Variants in SP1 observed in about 807,000 individuals in gnomAD.
SP1 encodes transcription factor Sp1.
SP1 carries 6 observed loss-of-function variants against 66.3 expected under a neutral mutation model. That is an observed-to-expected ratio of 0.09 (90% CI 0.05 to 0.18). The LOEUF (loss-of-function observed/expected upper bound fraction) is 0.18. Among genes scored for constraint, SP1 ranks in the 10% least tolerant of loss-of-function variants. The pLI, the probability that SP1 is intolerant of heterozygous loss-of-function variation, is 1.00. For synonymous variants in SP1, 417 were observed against 360.8 expected (o/e 1.16, Z -1.77); for missense variants, 848 against 964.5 (o/e 0.88, Z 1.60).
At chr12:53,406,008 AC>A (rs1227421281) in intron 3 of SP1, among the ~76,000 whole-genome samples, 1 of 150,248 alleles carries the variant, frequency 6.7e-6, no homozygotes, top group Admixed American at 6.7e-5. Context: ...ATAAAAAAAA[AC>A]AACTATGAGA....
intron 3 of SP1, among the ~76,000 whole-genome samples, chr12:53,387,268 CA>C (rs1938250545): frequency 6.6e-6 from 1 of 152,064 alleles, no homozygotes. Flanking sequence ...GTTCTTTTGG[CA>C]TATATATGTG....
At chr12:53,393,961 C>T (rs1938411850) in intron 3 of SP1, among the ~76,000 whole-genome samples, 1 of 151,642 alleles carries the variant, frequency 6.6e-6, no homozygotes, top group Admixed American at 6.6e-5. Flanking sequence ...ACGCCTGTAA[C>T]CCAAGCACTT....
At chr12:53,386,940 G>T (rs7298225) in intron 3 of SP1, among the ~76,000 whole-genome samples, 25,637 of 123,004 alleles carry the variant, frequency 0.21, 2,445 homozygotes, top group East Asian at 0.23. Flanking sequence ...TTCTAGGTTT[G>T]TTTTTTTTTT....
chr12:53,411,237 C>T lies in SP1; in HGVS notation c.2355C>T (p.Phe785=), dbSNP rs145573092. 1,495 of 1,608,252 alleles carry T rather than the reference C, an allele frequency of 9.3e-4. No homozygotes were observed. Among genetic ancestry groups the T allele is most frequent in the Non-Finnish European group, 1.0e-3 (1,205 of 1,176,746 alleles). ...CCATTAATATCAGTGGCAATGGCTT[C>T]TGAGATCAGGCACCCGGGGCCAGAG... ...LQSINISGNG[F] Residue 785 remains phenylalanine (F), a synonymous_variant, in exon 6 of 6, where the codon TTC becomes TTT. Transcript: ENST00000327443.
intron 3 of SP1, among the ~76,000 whole-genome samples, chr12:53,388,896 C>T (rs376395268): frequency 2.6e-5 from 4 of 151,682 alleles, no homozygotes; most frequent in East Asian, 3.9e-4. Context: ...GGGAGGATTG[C>T]CTGAGCCCGG....
intron 3 of SP1, among the ~76,000 whole-genome samples, chr12:53,400,504 T>G (rs79380252): frequency 0.037 from 5,579 of 152,296 alleles, 232 homozygotes; most frequent in East Asian, 0.14. Context: ...TGAACGTATG[T>G]TTTAATTTCT....
intron 3 of SP1, among the ~76,000 whole-genome samples, chr12:53,383,955 G>A (rs1938167001): frequency 6.7e-6 from 1 of 150,182 alleles, no homozygotes; most frequent in Admixed American, 6.7e-5. Flanking sequence ...TGGGCCTCAT[G>A]TGGTCACATT....
At chr12:53,389,342 C>T (rs1310427206) in intron 3 of SP1, among the ~76,000 whole-genome samples, 1 of 151,248 alleles carries the variant, frequency 6.6e-6, no homozygotes, top group Non-Finnish European at 1.5e-5. Context: ...CTGCCTCAGC[C>T]TCCCGAGTAA....
At chr12:53,410,875 GTAACC>G in intron 5 of SP1, 47 bp from the exon 6 acceptor site, 1 of 1,376,844 alleles carries the variant, frequency 7.3e-7, no homozygotes, top group East Asian at 2.3e-5. Context: ...ATTGGGTAAG[GTAACC>G]TCACTTCCTA....
At chr12:53,380,641 C>T (rs1265084320) in intron 1 of SP1, 14 of 997,264 alleles carry the variant, frequency 1.4e-5, no homozygotes, top group Admixed American at 6.0e-5. Flanking sequence ...GCCCGAGCAG[C>T]GAAGGCCCCG....
chr12:53,403,719 T>G (rs1325165256), intron 3 of SP1, among the ~76,000 whole-genome samples: 1 of 152,114 alleles, frequency 6.6e-6, no homozygotes, highest in Non-Finnish European at 1.5e-5. Context: ...AGACTAATAC[T>G]TATTTATAGT....
intron 4 of SP1, among the ~76,000 whole-genome samples, 162 bp from the exon 5 acceptor site, chr12:53,409,200 G>A (rs1938823755): frequency 6.6e-6 from 1 of 151,142 alleles, no homozygotes. Flanking sequence ...ACTCCAGCCT[G>A]GACGACAGAG....
intron 3 of SP1, among the ~76,000 whole-genome samples, chr12:53,396,080 A>G (rs867821884): frequency 2.6e-5 from 4 of 152,184 alleles, no homozygotes; most frequent in Middle Eastern, 6.8e-3. Context: ...AGATCACGCC[A>G]TTGCACTCCA....
At chr12:53,395,530 C>T (rs1938469075) in intron 3 of SP1, among the ~76,000 whole-genome samples, 1 of 152,148 alleles carries the variant, frequency 6.6e-6, no homozygotes. Flanking sequence ...TAATAAATTA[C>T]TAGCAGGCTC....
intron 3 of SP1, among the ~76,000 whole-genome samples, chr12:53,403,724 T>C (rs1938664414): frequency 6.6e-6 from 1 of 152,126 alleles, no homozygotes. Context: ...AATACTTATT[T>C]ATAGTAAATG....
rs929041327 is a variant in SP1, at chr12:53,414,100, C to T, written c.*2860C>T. ...TCAGGAGCTTATTACAGAAAAACCCCGTTTCCCTGAACTTTTGGCTAACAG... is the reference window on the plus strand; with the variant it reads ...TCAGGAGCTTATTACAGAAAAACCCTGTTTCCCTGAACTTTTGGCTAACAG... On this transcript the variant is annotated 3_prime_UTR_variant, in exon 6 of 6. Coordinates refer to ENST00000327443, the MANE Select transcript of SP1 (RefSeq NM_138473.3). 3.3e-5 allele frequency: 5 copies of T among 150,242 alleles called. No homozygotes were observed. The highest frequency in any genetic ancestry group is 9.8e-5 in the African/African-American group (4 of 40,650). 9.3% of individuals were successfully genotyped at this position (150,242 alleles called of 1,614,324 possible).
Position 53,382,811 on chromosome 12 carries a change from C to G in SP1, c.864C>G (p.Ser288Arg). The G allele has an allele frequency of 6.2e-7, 1 of 1,614,208 alleles. No individual in the cohort carries two copies. Residue 288 changes from serine (S) to arginine (R), a missense_variant, in exon 3 of 6, where the codon AGC (serine) becomes AGG (arginine). Ser to Arg is a moderately radical substitution (Grantham distance 110, BLOSUM62 -1). Coordinates refer to ENST00000327443, the MANE Select transcript of SP1 (RefSeq NM_138473.3). ...TPSSQAVTIS[S>R]SGSQESGSQP... is the part of the protein sequence containing the mutation. Reference sequence around the variant, plus strand: ...GCTCTCAGGCAGTCACGATCAGCAGCTCTGGGTCCCAGGAGAGTGGCTCAC... The same window carrying G: ...GCTCTCAGGCAGTCACGATCAGCAGGTCTGGGTCCCAGGAGAGTGGCTCAC...
At position 53,383,047 on chromosome 12, in the gene SP1, C is replaced by T. The variant is rs762347978; in HGVS notation, c.1100C>T (p.Ala367Val). 1.8e-5 allele frequency: 29 copies of T among 1,614,088 alleles called. 1 individual carries two copies. Among genetic ancestry groups the T allele is most frequent in the Admixed American group, 1.2e-4 (7 of 59,992 alleles). Reference sequence around the variant, plus strand: ...GTCAGTGGGCTACAGGGGTCTGATGCTCTGAACATCCAGCAAAACCAGACA... The same window carrying T: ...GTCAGTGGGCTACAGGGGTCTGATGTTCTGAACATCCAGCAAAACCAGACA... ...QRVSGLQGSDALNIQQNQTSG... is the reference protein window; with the variant it reads ...QRVSGLQGSDVLNIQQNQTSG... The change falls in exon 3 of 6, where the codon GCT becomes GTT. Residue 367 changes from alanine (A) to valine (V), a missense_variant. Transcript: ENST00000327443.
chr12:53,381,582 A>G, intron 1 of SP1, 77 bp from the exon 2 acceptor site: 2 of 1,360,318 alleles, frequency 1.5e-6, no homozygotes, highest in South Asian at 1.4e-5. Flanking sequence ...CTATTTCATC[A>G]TAGCCTCCTT....
Sources: gnomAD v4.1 joint callset for allele counts (sites outside exome capture counted in the v4.1 genomes callset) on GRCh38, gnomAD v4.1.1 for gene constraint, MANE v1.5 for transcripts, NCBI Gene and HGNC (gene_info 2026-07-23, HGNC 2026-07-21) for gene names.